The following TRAPPC13 variants were observed in gnomAD, a reference collection of about 807,000 sequenced individuals.
The protein encoded by TRAPPC13 is REV7-interacting novel NHEJ regulator 1.
A neutral mutation model predicts 54.0 loss-of-function variants in TRAPPC13; 39 were observed. That is an observed-to-expected ratio of 0.72 (90% confidence interval 0.56 to 0.94). The LOEUF (loss-of-function observed/expected upper bound fraction) is 0.94, where lower values mean the gene tolerates loss of function less well. TRAPPC13 is among the 40% of genes least tolerant of loss of function. The probability of loss-of-function intolerance (pLI) is 0.00; values close to 1 mark genes in which losing one functional copy is unlikely to be tolerated. For synonymous variants in TRAPPC13, 148 were observed against 167.7 expected (o/e 0.88, Z 0.91); for missense variants, 386 against 488.1 (o/e 0.79, Z 1.97).
intron 4 of TRAPPC13, among the ~76,000 whole-genome samples, chr5:65,639,466 C>G (rs987618043): frequency 2.0e-5 from 3 of 152,102 alleles, no homozygotes; most frequent in Admixed American, 2.0e-4. Flanking sequence ...TCAAGACCAG[C>G]CTGGGAAACA....
intron 9 of TRAPPC13, among the ~76,000 whole-genome samples, chr5:65,659,221 G>A (rs941662802): frequency 2.6e-5 from 4 of 152,100 alleles, no homozygotes; most frequent in Admixed American, 1.3e-4. Flanking sequence ...GGACTCAAAC[G>A]ATCTCCCAAG....
chr5:65,634,743 A>AG (rs35226734), intron 1 of TRAPPC13, among the ~76,000 whole-genome samples: 77,865 of 151,474 alleles, frequency 0.51, 21,333 homozygotes, highest in Non-Finnish European at 0.62. Context: ...ATACAAAAAA[A>AG]AAAAAAATAA....
rs748781624 is a variant in TRAPPC13 at position 65,664,307 on chromosome 5, A to C, written c.1069A>C (p.Arg357=). The change falls in exon 12 of 13, where the codon AGA becomes CGA. Residue 357 remains arginine (R), a synonymous_variant. Transcript: ENST00000399438. ...CATCCACTGGTGTGGAATTTCAGGA[A>C]GACAGCTGGGAAAGCTGCATCCAAG... ...NSIHWCGISG[R]QLGKLHPSSS... is the part of the protein sequence containing the mutation. 1 of 1,614,004 alleles carries C rather than the reference A, an allele frequency of 6.2e-7. No homozygotes were observed. The highest frequency in any genetic ancestry group is 1.1e-5 in the South Asian group (1 of 91,088).
At position 65,664,360 on chromosome 5, in the gene TRAPPC13, G is replaced by C; in HGVS notation, c.1122G>C (p.Leu374=). 6.2e-7 allele frequency: 1 copy of C among 1,613,634 alleles called. No homozygotes were observed. ...CTTCGCTCTGTCTTGCCCTTACTCT[G>C]CTTTCTTCAGTACAGGGACTGCAAG... The part of the protein sequence containing the change: ...PSSSLCLALT[L]LSSVQGLQSI... Residue 374 remains leucine (L), a synonymous_variant, in exon 12 of 13, where the codon CTG becomes CTC. Coordinates refer to ENST00000399438, the MANE Select transcript of TRAPPC13 (RefSeq NM_024941.4).
intron 4 of TRAPPC13, 50 bp from the exon 5 acceptor site, chr5:65,647,005 G>A (rs775714289): frequency 1.3e-6 from 2 of 1,499,730 alleles, no homozygotes; most frequent in South Asian, 1.3e-5. Flanking sequence ...ACACCCTGTA[G>A]GTAACCAGTC....
intron 5 of TRAPPC13, among the ~76,000 whole-genome samples, chr5:65,649,968 T>C (rs1433663524): frequency 6.6e-6 from 1 of 151,348 alleles, no homozygotes; most frequent in Non-Finnish European, 1.5e-5. Flanking sequence ...GCCATTCTCC[T>C]GCCTCAGACT....
chr5:65,652,234 T>C (rs1756486248), intron 6 of TRAPPC13, among the ~76,000 whole-genome samples: 1 of 152,014 alleles, frequency 6.6e-6, no homozygotes, highest in South Asian at 2.1e-4. Flanking sequence ...ATGTGTTTGG[T>C]TTAACAAAAT....
In TRAPPC13 at chr5:65,655,523, T is replaced by C. The variant is rs1756620863; in HGVS notation, c.547-113T>C. On this transcript the variant is annotated intron_variant, in intron 7 of 12. Transcript: ENST00000399438. ...TTTACTTTCTTATTTACTAATGCTG[T>C]CTTGTTTAGTAATTTAAAAAAATGC... 1.3e-5 allele frequency: 4 copies of C among 319,952 alleles called. No individual in the cohort carries two copies. In the East Asian group the frequency reaches 2.3e-4, roughly 18 times the overall value. 19.8% of individuals were successfully genotyped at this position (319,952 alleles called of 1,614,324 possible).
intron 9 of TRAPPC13, 59 bp from the exon 10 acceptor site, chr5:65,660,639 TG>T: frequency 7.2e-7 from 1 of 1,388,990 alleles, no homozygotes; most frequent in Non-Finnish European, 9.6e-7. Flanking sequence ...ATCACAGCCA[TG>T]GTTTTTCTTT....
intron 1 of TRAPPC13, chr5:65,629,439 T>C: frequency 7.2e-7 from 1 of 1,396,088 alleles, no homozygotes; most frequent in South Asian, 1.8e-5. Flanking sequence ...CCCTACCATA[T>C]CTTATTCTTT....
chr5:65,665,737 T>C lies in TRAPPC13; in HGVS notation c.*1126T>C, dbSNP rs899310086. The C allele has an allele frequency of 7.2e-5, 11 of 152,488 alleles. No individual in the cohort carries two copies. Among genetic ancestry groups the C allele is most frequent in the Admixed American group, 7.2e-4 (11 of 15,290 alleles). The allele number at this position is 152,488 out of a possible 1,614,324, so 9.4% of individuals were successfully genotyped here. On this transcript the variant is annotated 3_prime_UTR_variant, in exon 13 of 13. Coordinates refer to ENST00000399438, the MANE Select transcript of TRAPPC13 (RefSeq NM_024941.4). ...CTCTCCATGTAATCACACTTAGTTA[T>C]GAGCAAAGCAGTGAGAAAGTTGAGG...
At chr5:65,628,564 C>T (rs146146457) in intron 1 of TRAPPC13, among the ~76,000 whole-genome samples, 2,902 of 151,794 alleles carry the variant, frequency 0.019, 70 homozygotes, top group African/African-American at 0.058. Flanking sequence ...CTCAACCTCC[C>T]GGGTTCAAGC....
At chr5:65,627,856 T>G (rs1319099624) in intron 1 of TRAPPC13, among the ~76,000 whole-genome samples, 1 of 152,184 alleles carries the variant, frequency 6.6e-6, no homozygotes, top group Non-Finnish European at 1.5e-5. Flanking sequence ...GATCTGTTAG[T>G]GGGCAGTATC....
At chr5:65,634,622 GGCTCATGCCTGTAATCCCA>G (rs1406266528) in intron 1 of TRAPPC13, among the ~76,000 whole-genome samples, 1 of 152,070 alleles carries the variant, frequency 6.6e-6, no homozygotes, top group African/African-American at 2.4e-5. Flanking sequence ...CGGGCATGGT[GGCTCATGCCTGTAATCCCA>G]GCACTTTGGG....
intron 2 of TRAPPC13, 45 bp from the exon 3 acceptor site, chr5:65,635,895 GTTAT>G (rs1755727217): frequency 8.6e-7 from 1 of 1,164,684 alleles, no homozygotes; most frequent in South Asian, 1.5e-5. Flanking sequence ...ATAAGTAAAA[GTTAT>G]TTAAAGGGTA....
intron 11 of TRAPPC13, chr5:65,663,666 G>GT (rs1487698476): frequency 6.6e-6 from 1 of 152,104 alleles, no homozygotes; most frequent in Non-Finnish European, 1.5e-5. Context: ...TTCATTAAAA[G>GT]TTTTTTTAAC....
rs1755666579 is a variant in TRAPPC13, at chr5:65,634,301, TTATA to T, written c.47-997_47-994del. 2.0e-5 allele frequency among the ~76,000 whole-genome samples: 3 copies of T among 152,238 alleles called. No homozygotes were observed. In the South Asian group the frequency reaches 6.2e-4, roughly 32 times the overall value. On this transcript the variant is annotated intron_variant, in intron 1 of 12. Transcript: ENST00000399438. ...TGCCTGGCCACTCCCAGCAATTTCT[TTATA>T]TAAGTATATCCTATCTTTTTTTTGA... is the stretch of plus-strand genomic sequence containing the variant.
intron 4 of TRAPPC13, among the ~76,000 whole-genome samples, chr5:65,641,106 T>G (rs938293419): frequency 6.6e-6 from 1 of 152,048 alleles, no homozygotes; most frequent in East Asian, 1.9e-4. Flanking sequence ...TCTAATTTTT[T>G]AATATTTTTT....
rs767746227 is a variant in TRAPPC13, at chr5:65,635,342, G to A, written c.88G>A (p.Val30Ile). Reference sequence around the variant, plus strand: ...GCCTACTTTATTCACCAATATCCCAGTAACATGTGAAGAGAAAGACTTACC... The same window carrying A: ...GCCTACTTTATTCACCAATATCCCAATAACATGTGAAGAGAAAGACTTACC... ...TKPTLFTNIPVTCEEKDLPGD... is the reference protein window; with the variant it reads ...TKPTLFTNIPITCEEKDLPGD... The change falls in exon 2 of 13, where the codon GTA (valine) becomes ATA (isoleucine). Residue 30 changes from valine to isoleucine, a missense_variant. Coordinates refer to ENST00000399438, the MANE Select transcript of TRAPPC13 (RefSeq NM_024941.4). 3.7e-6 allele frequency: 6 copies of A among 1,613,490 alleles called. No homozygotes were observed. Among genetic ancestry groups the A allele is most frequent in the Non-Finnish European group, 5.1e-6 (6 of 1,179,660 alleles).
Sources: gnomAD v4.1 joint callset for allele counts (sites outside exome capture counted in the v4.1 genomes callset) on GRCh38, gnomAD v4.1.1 for gene constraint, MANE v1.5 for transcripts, NCBI Gene and HGNC (gene_info 2026-07-23, HGNC 2026-07-21) for gene names.